Variants in HDAC7 observed in about 807,000 individuals in gnomAD.
HDAC7 encodes the protein histone deacetylase 7A.
A neutral mutation model predicts 115.5 loss-of-function variants in HDAC7; 26 were observed. The observed-to-expected ratio is 0.23, with a 90% CI of 0.16 to 0.31. The LOEUF (loss-of-function observed/expected upper bound fraction) is 0.31. Ranked by LOEUF, HDAC7 falls within the 10% of genes least tolerant of loss-of-function variation. The pLI, the probability that HDAC7 is intolerant of heterozygous loss-of-function variation, is 1.00. For synonymous variants in HDAC7, 564 were observed against 550.9 expected (o/e 1.02, Z -0.33); for missense variants, 1,068 against 1,329.0 (o/e 0.80, Z 3.05).
intron 1 of HDAC7, among the ~76,000 whole-genome samples, chr12:47,811,996 C>T (rs1403303396): frequency 6.6e-6 from 1 of 152,228 alleles, no homozygotes; most frequent in Non-Finnish European, 1.5e-5. Context: ...GACCTGCCCA[C>T]CCCTCCTCTG....
chr12:47,800,621 A>C (rs1944115939), intron 2 of HDAC7, among the ~76,000 whole-genome samples: 2 of 152,134 alleles, frequency 1.3e-5, no homozygotes, highest in Non-Finnish European at 1.5e-5. Flanking sequence ...TCGAATACCA[A>C]AACACTCCTG....
At chr12:47,820,452 C>CCACACA (rs890681544), upstream of HDAC7, 1 of 150,986 alleles carries the variant, frequency 6.6e-6, no homozygotes, top group Non-Finnish European at 1.5e-5. This position sits in a 1 kb window ranked among gnomAD's most constrained non-coding sequence, Gnocchi z 4.3. Flanking sequence ...ACACCCCCCA[C>CCACACA]CACACACACA....
At chr12:47,786,379 C>T (rs1414899158) in intron 22 of HDAC7, among the ~76,000 whole-genome samples, 2 of 152,206 alleles carry the variant, frequency 1.3e-5, no homozygotes, top group African/African-American at 4.8e-5. Context: ...CGTGGTGAAC[C>T]GGCCTGGTCC....
chr12:47,786,818 A>G, intron 21 of HDAC7, 115 bp from the exon 22 acceptor site: 1 of 743,206 alleles, frequency 1.3e-6, no homozygotes, highest in South Asian at 1.7e-5. Context: ...CCAGTGCCCC[A>G]GCACAACTGG....
Position 47,797,562 on chromosome 12 carries a change from G to T in HDAC7, c.462-63C>A. On this transcript the variant is annotated intron_variant, in intron 5 of 25. Transcript: ENST00000080059. The surrounding 1 kb of genome is among the most constrained non-coding windows in gnomAD (Gnocchi z 5.5). ...GGACACTGCACGGGCACTGCCCTGAGCACGGGCCCTGGGACCTGAGGGGGA... is the reference window on the plus strand; with the variant it reads ...GGACACTGCACGGGCACTGCCCTGATCACGGGCCCTGGGACCTGAGGGGGA... 7.9e-7 allele frequency: 1 copy of T among 1,272,874 alleles called. No individual in the cohort carries two copies. 78.8% of individuals were successfully genotyped at this position (1,272,874 alleles called of 1,614,324 possible).
Position 47,795,392 on chromosome 12 carries a change from CG to C in HDAC7, c.1088-13del, listed in dbSNP as rs1565808046. On this transcript the variant is annotated splice_polypyrimidine_tract_variant and intron_variant, in intron 10 of 25. Transcript: ENST00000080059. This position sits in a 1 kb window ranked among gnomAD's most constrained non-coding sequence, Gnocchi z 4.3. Reference sequence around the variant, plus strand: ...CCCAAGCCCGGGCACTGGAAAGAATCGGGGGGTGGAATAAGGAGGGAACCAC... The same window carrying C: ...CCCAAGCCCGGGCACTGGAAAGAATCGGGGGTGGAATAAGGAGGGAACCAC... The C allele has an allele frequency of 6.4e-7, 1 of 1,554,780 alleles. No individual in the cohort carries two copies. The highest frequency in any genetic ancestry group is 8.7e-7 in the Non-Finnish European group (1 of 1,154,482).
At chr12:47,784,251 G>T in intron 24 of HDAC7, 34 bp from the exon 25 acceptor site, 1 of 1,592,042 alleles carries the variant, frequency 6.3e-7, no homozygotes. Context: ...AAGGGTTGGA[G>T]AAAGCAAGCC....
At chr12:47,784,715 A>G (rs1030056414) in intron 24 of HDAC7, 4 of 1,535,318 alleles carry the variant, frequency 2.6e-6, no homozygotes, top group East Asian at 2.4e-5. Flanking sequence ...GCCGCTCTGC[A>G]TGGGTGCCCA....
Position 47,783,609 on chromosome 12 carries a change from T to C in HDAC7, c.*232A>G. 1.7e-6 allele frequency: 1 copy of C among 571,822 alleles called. No individual in the cohort carries two copies. The highest frequency in any genetic ancestry group is 3.2e-6 in the Non-Finnish European group (1 of 317,174). The allele number at this position is 571,822 out of a possible 1,614,324, so 35.4% of individuals were successfully genotyped here. A position where few individuals can be genotyped will look rare whatever the true frequency, so the allele number is the denominator to read the frequency against. On this transcript the variant is annotated 3_prime_UTR_variant, in exon 26 of 26. Transcript: ENST00000080059. ...GGGGAGAATCTGTTCTCGAGAGCCC[T>C]GTGGGGGTCGCCGCCCAGCCCGTCT...
At position 47,797,440 on chromosome 12, in the gene HDAC7, G is replaced by A. The variant is rs1943917795; in HGVS notation, c.521C>T (p.Pro174Leu). Reference sequence around the variant, plus strand: ...GTCACTGGGCAGGCTGGGAACAGGAGGCAAAAAGCTGCTGAGCATGGAGCG... The same window carrying A: ...GTCACTGGGCAGGCTGGGAACAGGAAGCAAAAAGCTGCTGAGCATGGAGCG... ...ATRSMLSSFL[P>L]PVPSLPSDPP... is the part of the protein sequence containing the mutation. The change falls in exon 6 of 26, where the codon CCT becomes CTT. Residue 174 changes from proline to leucine, a missense_variant. Coordinates refer to ENST00000080059, the MANE Select transcript of HDAC7 (RefSeq NM_015401.5). The surrounding 1 kb of genome is among the most constrained non-coding windows in gnomAD (Gnocchi z 5.5). The A allele has an allele frequency of 1.9e-6, 3 of 1,614,044 alleles. No individual in the cohort carries two copies. The highest frequency in any genetic ancestry group is 2.2e-5 in the East Asian group (1 of 44,908).
At chr12:47,816,984 G>T (rs1944868433) in intron 1 of HDAC7, among the ~76,000 whole-genome samples, 1 of 152,234 alleles carries the variant, frequency 6.6e-6, no homozygotes, top group South Asian at 2.1e-4. Context: ...GGTTAGGGAG[G>T]TGGCTAGATC....
At chr12:47,790,828 C>G (rs73107964) in intron 16 of HDAC7, 2 of 231,048 alleles carry the variant, frequency 8.7e-6, no homozygotes, top group Non-Finnish European at 1.7e-5. Flanking sequence ...CCAAGGACAC[C>G]GGAAGCACCA....
chr12:47,790,427 C>G, intron 16 of HDAC7: 1 of 160,918 alleles, frequency 6.2e-6, no homozygotes, highest in South Asian at 1.7e-4. Flanking sequence ...CGAGGCAGAC[C>G]AAGAGAGGCG....
At chr12:47,790,999 A>C in intron 16 of HDAC7, 1 of 568,414 alleles carries the variant, frequency 1.8e-6, no homozygotes, top group African/African-American at 1.9e-5. Context: ...CTGCTCCTGA[A>C]ACCTCACTCA....
chr12:47,796,090 G>A, intron 8 of HDAC7, 74 bp from the exon 9 acceptor site: 2 of 1,523,758 alleles, frequency 1.3e-6, no homozygotes, highest in Non-Finnish European at 1.8e-6. Flanking sequence ...GAACACCCAG[G>A]AGGCTCTGGC....
chr12:47,808,441 C>A (rs1018423427), intron 1 of HDAC7, among the ~76,000 whole-genome samples: 10 of 152,146 alleles, frequency 6.6e-5, no homozygotes, highest in African/African-American at 2.4e-4. Context: ...TTCTTTGTCC[C>A]CCACCCCAGA....
At chr12:47,802,766 G>A (rs1304981015) in intron 1 of HDAC7, among the ~76,000 whole-genome samples, 1 of 152,118 alleles carries the variant, frequency 6.6e-6, no homozygotes, top group African/African-American at 2.4e-5. Flanking sequence ...CCTGCTCAGA[G>A]CCTCCCAGGT....
intron 24 of HDAC7, chr12:47,785,156 A>G: frequency 1.8e-6 from 1 of 549,646 alleles, no homozygotes; most frequent in Middle Eastern, 4.8e-4. Context: ...CCCTACCTTG[A>G]GGGGCCACTG....
chr12:47,802,291 G>T lies in HDAC7; in HGVS notation c.20-17C>A. 1 of 1,612,622 alleles carries T rather than the reference G, an allele frequency of 6.2e-7. No individual in the cohort carries two copies. The highest frequency in any genetic ancestry group is 1.1e-5 in the South Asian group (1 of 90,980). ...GGGTCCCATCTGTAGAGAGAGAGAC[G>T]GAGTGAAAGAGCTGCAGGGAGGGGT... On this transcript the variant is annotated splice_polypyrimidine_tract_variant and intron_variant, in intron 1 of 25. Transcript: ENST00000080059.
Sources: gnomAD v4.1 joint callset for allele counts (sites outside exome capture counted in the v4.1 genomes callset) on GRCh38, gnomAD v4.1.1 for gene constraint, Gnocchi (gnomAD v3.1) non-coding constraint, MANE v1.5 for transcripts, NCBI Gene and HGNC (gene_info 2026-07-23, HGNC 2026-07-21) for gene names.